The following CTNND2 variants were observed in gnomAD, a reference collection of about 807,000 sequenced individuals.
CTNND2 encodes the protein catenin delta 2.
In CTNND2, 22 loss-of-function variants were observed where a neutral mutation model predicts 144.4. The observed-to-expected ratio is 0.15, with a 90% confidence interval of 0.11 to 0.22. The LOEUF (loss-of-function observed/expected upper bound fraction) is 0.22, where lower values mean the gene tolerates loss of function less well. Among genes scored for constraint, CTNND2 ranks in the 10% least tolerant of loss-of-function variants. The pLI is 1.00. For missense variants in CTNND2, 1,353 were observed against 1,618.8 expected (o/e 0.84, Z 2.82); for synonymous variants, 751 against 695.6 (o/e 1.08, Z -1.25).
intron 9 of CTNND2, among the ~76,000 whole-genome samples, chr5:11,328,406 AC>A (rs1340991984): frequency 1.3e-5 from 2 of 149,798 alleles, no homozygotes; most frequent in African/African-American, 4.9e-5. Flanking sequence ...TGATCCTCCT[AC>A]CTCGGCCTCT....
At chr5:11,451,255 A>G (rs61760339) in intron 3 of CTNND2, among the ~76,000 whole-genome samples, 116 of 152,246 alleles carry the variant, frequency 7.6e-4, no homozygotes, top group Non-Finnish European at 1.1e-3. Flanking sequence ...ACCTATTTAA[A>G]AAGTTATATT....
intron 3 of CTNND2, among the ~76,000 whole-genome samples, chr5:11,445,539 A>T (rs1178309434): frequency 6.6e-6 from 1 of 152,104 alleles, no homozygotes; most frequent in African/African-American, 2.4e-5. Context: ...CTCCAGAGGG[A>T]CTGGAGGCCT....
chr5:11,327,255 A>G (rs1012421349), intron 9 of CTNND2, among the ~76,000 whole-genome samples: 7 of 152,192 alleles, frequency 4.6e-5, no homozygotes, highest in African/African-American at 1.7e-4. Context: ...AGCAAGTATA[A>G]GTGATTCTGG....
chr5:11,558,050 G>A (rs1289204603), intron 3 of CTNND2, among the ~76,000 whole-genome samples: 1 of 152,216 alleles, frequency 6.6e-6, no homozygotes, highest in African/African-American at 2.4e-5. Context: ...AACAAAGGGG[G>A]AGGTGACTGA....
At chr5:11,879,362 TACACACACACACAAAC>T (rs1297730407) in intron 1 of CTNND2, among the ~76,000 whole-genome samples, 134 of 136,650 alleles carry the variant, frequency 9.8e-4, no homozygotes, top group South Asian at 1.9e-3. Context: ...TATATACATA[TACACACACACACAAAC>T]ATATACATAC....
chr5:11,506,780 T>C (rs1194008579), intron 3 of CTNND2, among the ~76,000 whole-genome samples: 1 of 152,230 alleles, frequency 6.6e-6, no homozygotes, highest in Non-Finnish European at 1.5e-5. Flanking sequence ...ACAGGTAGCT[T>C]TGCTTAACCA....
At chr5:11,022,676 G>T in intron 17 of CTNND2, 93 bp downstream of exon 17, 1 of 902,472 alleles carries the variant, frequency 1.1e-6, no homozygotes, top group Non-Finnish European at 1.8e-6. Context: ...GCTTTCCAGT[G>T]ACAGTCATAG....
chr5:11,086,980 G>A (rs1052234631), intron 15 of CTNND2, among the ~76,000 whole-genome samples: 4 of 152,138 alleles, frequency 2.6e-5, no homozygotes, highest in African/African-American at 9.7e-5. Context: ...ATCCATTATA[G>A]TGCTAAAATT....
chr5:11,345,517 C>T (rs1395711285), intron 9 of CTNND2, among the ~76,000 whole-genome samples: 1 of 152,126 alleles, frequency 6.6e-6, no homozygotes, highest in Non-Finnish European at 1.5e-5. Flanking sequence ...TACACAGGAA[C>T]TTGCGTGCTC....
At chr5:11,230,059 C>A (rs1740828823) in intron 10 of CTNND2, among the ~76,000 whole-genome samples, 1 of 151,868 alleles carries the variant, frequency 6.6e-6, no homozygotes. Context: ...CATTAAAAAT[C>A]CGCAAAAGGG....
At chr5:11,901,982 C>T (rs1737930190) in intron 1 of CTNND2, among the ~76,000 whole-genome samples, 2 of 152,098 alleles carry the variant, frequency 1.3e-5, no homozygotes, top group South Asian at 2.1e-4. Flanking sequence ...AAAGTGCTCT[C>T]GGAAAGTTCC....
intron 1 of CTNND2, among the ~76,000 whole-genome samples, chr5:11,752,287 C>T (rs1299392615): frequency 6.6e-6 from 1 of 151,924 alleles, no homozygotes; most frequent in African/African-American, 2.4e-5. Flanking sequence ...GAGCCTATGA[C>T]TGGAATACAA....
At chr5:11,505,674 CT>C (rs1454319873) in intron 3 of CTNND2, among the ~76,000 whole-genome samples, 1 of 152,144 alleles carries the variant, frequency 6.6e-6, no homozygotes, top group Non-Finnish European at 1.5e-5. Context: ...CTGCCCATAT[CT>C]TTTTTCATTC....
At chr5:11,106,327 C>T (rs574021519) in intron 14 of CTNND2, among the ~76,000 whole-genome samples, 26 of 152,160 alleles carry the variant, frequency 1.7e-4, no homozygotes, top group Non-Finnish European at 3.2e-4. Flanking sequence ...GGGATTGGTT[C>T]GCCACGTCAT....
chr5:11,219,870 C>T (rs1023079391), intron 10 of CTNND2, among the ~76,000 whole-genome samples: 7 of 152,152 alleles, frequency 4.6e-5, no homozygotes, highest in African/African-American at 1.7e-4. Context: ...GTTCTTTCTT[C>T]TGTGGTCCAA....
At chr5:11,211,798 G>T (rs1395911219) in intron 10 of CTNND2, among the ~76,000 whole-genome samples, 1 of 152,156 alleles carries the variant, frequency 6.6e-6, no homozygotes, top group African/African-American at 2.4e-5. Context: ...AAATAATAGA[G>T]AAATTGTTTT....
intron 2 of CTNND2, chr5:11,588,587 G>A: frequency 4.9e-6 from 1 of 202,354 alleles, no homozygotes; most frequent in East Asian, 1.8e-4. Flanking sequence ...TGATAACTGT[G>A]AGGTCAGAAA....
chr5:11,176,471 C>T (rs1267061916), intron 11 of CTNND2, among the ~76,000 whole-genome samples: 2 of 152,128 alleles, frequency 1.3e-5, no homozygotes, highest in Admixed American at 6.5e-5. Flanking sequence ...GTCTCTGTTG[C>T]TAGTCTAAGG....
At chr5:11,581,189 C>T (rs1778400924) in intron 2 of CTNND2, among the ~76,000 whole-genome samples, 1 of 152,138 alleles carries the variant, frequency 6.6e-6, no homozygotes, top group South Asian at 2.1e-4. Context: ...CTTACCTACG[C>T]TACAGACTCT....
Sources: gnomAD v4.1 joint callset for allele counts (sites outside exome capture counted in the v4.1 genomes callset) on GRCh38, gnomAD v4.1.1 for gene constraint, MANE v1.5 for transcripts, NCBI Gene and HGNC (gene_info 2026-07-23, HGNC 2026-07-21) for gene names.